PRKCB: variants seen among roughly 807,000 people sequenced by gnomAD.
PRKCB encodes protein kinase C beta, also known as protein kinase C beta type.
In PRKCB, 13 loss-of-function variants were observed where a neutral mutation model predicts 81.5. The ratio of observed to expected loss-of-function variants is 0.16; its 90% confidence interval spans 0.10 to 0.25. The LOEUF (loss-of-function observed/expected upper bound fraction) is 0.25, where lower values mean the gene tolerates loss of function less well. Ranked by LOEUF, PRKCB falls within the 10% of genes least tolerant of loss-of-function variation. The pLI is 1.00. For missense variants in PRKCB, 509 were observed against 875.7 expected, an observed-to-expected ratio of 0.58 and a Z score of 5.29; for synonymous variants, 335 against 321.4, an observed-to-expected ratio of 1.04 and a Z score of -0.45.
Position 24,159,338 on chromosome 16 carries a change from G to A in PRKCB, c.1239+4481G>A, listed in dbSNP as rs970962552. ...GGGTCATTGGCTCATTGAGCTCAGA[G>A]CCCAAGCTTTTGTTAGTACATCATG... On this transcript the variant is annotated intron_variant, in intron 10 of 16. Coordinates refer to ENST00000643927, the MANE Select transcript of PRKCB (RefSeq NM_002738.7). Among the ~76,000 whole-genome samples the A allele has an allele frequency of 2.0e-5, 3 of 152,178 alleles. No individual in the cohort carries two copies. In the East Asian group the frequency reaches 5.8e-4, roughly 29 times the overall value.
chr16:23,988,407 T>C (rs772527223), intron 2 of PRKCB, 101 bp from the exon 3 acceptor site: 46 of 886,362 alleles, frequency 5.2e-5, no homozygotes, highest in Middle Eastern at 3.1e-4. Context: ...CTTTACTTGT[T>C]GGTGAAGTTC....
At chr16:24,003,747 G>C (rs1450395260) in intron 3 of PRKCB, among the ~76,000 whole-genome samples, 1 of 152,108 alleles carries the variant, frequency 6.6e-6, no homozygotes, top group African/African-American at 2.4e-5. Context: ...CTCTATCACT[G>C]GGAGAACGAA....
At chr16:23,889,701 G>T (rs965530254) in intron 2 of PRKCB, among the ~76,000 whole-genome samples, 1 of 152,220 alleles carries the variant, frequency 6.6e-6, no homozygotes, top group African/African-American at 2.4e-5. Flanking sequence ...AGTTATGGCT[G>T]CTCTATCAAC....
intron 5 of PRKCB, among the ~76,000 whole-genome samples, chr16:24,076,796 G>A (rs1036853016): frequency 1.3e-5 from 2 of 152,220 alleles, no homozygotes; most frequent in African/African-American, 4.8e-5. Context: ...ATTTGCCTCT[G>A]TCTGGGCAGA....
At chr16:23,847,178 C>G (rs1182814055) in intron 2 of PRKCB, among the ~76,000 whole-genome samples, 1 of 152,110 alleles carries the variant, frequency 6.6e-6, no homozygotes, top group African/African-American at 2.4e-5. Flanking sequence ...TGCTACTTCC[C>G]AGAGACCAGA....
At chr16:24,207,961 G>A (rs957050347) in intron 16 of PRKCB, 1 of 152,576 alleles carries the variant, frequency 6.6e-6, no homozygotes, top group Non-Finnish European at 1.5e-5. Context: ...CAGGGGGTGG[G>A]GGACACAGGC....
At chr16:23,967,811 C>T (rs1344893984) in intron 2 of PRKCB, among the ~76,000 whole-genome samples, 2 of 152,188 alleles carry the variant, frequency 1.3e-5, no homozygotes, top group African/African-American at 4.8e-5. Context: ...CGCCACCATG[C>T]CCAGCTAATT....
chr16:24,010,414 G>A (rs1187586981), intron 3 of PRKCB, among the ~76,000 whole-genome samples: 1 of 152,178 alleles, frequency 6.6e-6, no homozygotes, highest in Non-Finnish European at 1.5e-5. Flanking sequence ...TGAACCTCCG[G>A]TTTACAACTT....
At position 24,217,743 on chromosome 16, in the gene PRKCB, AG is replaced by A. The variant is rs1447921020; in HGVS notation, c.*2930del. On this transcript the variant is annotated 3_prime_UTR_variant, in exon 17 of 17. Transcript: ENST00000643927. ...GGCCCACAGGCAGGGAAAGCGAAAT[AG>A]GGTTGATGAGACCAGGGGAGACCTA... 2.2e-5 allele frequency: 22 copies of A among 985,302 alleles called. No individual in the cohort carries two copies. The highest frequency in any genetic ancestry group is 2.7e-5 in the Non-Finnish European group (22 of 829,950). 61.0% of individuals were successfully genotyped at this position (985,302 alleles called of 1,614,324 possible).
intron 16 of PRKCB, among the ~76,000 whole-genome samples, chr16:24,202,133 G>T (rs1391144710): frequency 6.6e-6 from 1 of 152,044 alleles, no homozygotes; most frequent in Non-Finnish European, 1.5e-5. Context: ...TGTCCTTTCT[G>T]ACTCTATCCT....
intron 5 of PRKCB, among the ~76,000 whole-genome samples, chr16:24,057,589 G>A (rs997879910): frequency 7.9e-5 from 12 of 152,180 alleles, no homozygotes; most frequent in Non-Finnish European, 1.2e-4. Flanking sequence ...TAAGAGAGAA[G>A]AAGAGAGAGC....
chr16:23,868,124 T>C (rs2141096901), intron 2 of PRKCB, among the ~76,000 whole-genome samples: 1 of 152,264 alleles, frequency 6.6e-6, no homozygotes, highest in Admixed American at 6.5e-5. Context: ...AAAAAACCAA[T>C]GTAGCCATGG....
At chr16:24,168,790 C>T (rs1441962014) in intron 10 of PRKCB, among the ~76,000 whole-genome samples, 4 of 149,054 alleles carry the variant, frequency 2.7e-5, no homozygotes, top group Non-Finnish European at 5.9e-5. Context: ...AACTCCTAGC[C>T]TCAAGTGATT....
intron 9 of PRKCB, among the ~76,000 whole-genome samples, chr16:24,150,883 C>T (rs449072): frequency 0.19 from 28,370 of 152,146 alleles, 2,863 homozygotes; most frequent in South Asian, 0.3. Flanking sequence ...TATGCATGCC[C>T]GTTCTGTTTT....
At position 24,047,352 on chromosome 16, in the gene PRKCB, T is replaced by TAAATA. The variant is rs1555493042; in HGVS notation, c.529+11826_529+11830dup. ...GTGAGACTCCATCTCAAAAAATAAA[T>TAAATA]AAATAAAATAAAATAAAATAAAATA... On this transcript the variant is annotated intron_variant, in intron 5 of 16. Transcript: ENST00000643927. 4.9e-3 allele frequency among the ~76,000 whole-genome samples: 742 copies of TAAATA among 151,242 alleles called. 2 individuals are homozygous for TAAATA. Among genetic ancestry groups the TAAATA allele is most frequent in the African/African-American group, 0.017 (687 of 41,212 alleles).
rs534217322 is a variant in PRKCB at position 23,866,185 on chromosome 16, C to T, written c.205+28779C>T. 2.0e-5 allele frequency among the ~76,000 whole-genome samples: 3 copies of T among 152,212 alleles called. No individual in the cohort carries two copies. The South Asian group carries it at 6.2e-4, about 32-fold the overall frequency. On this transcript the variant is annotated intron_variant, in intron 2 of 16. Coordinates refer to ENST00000643927, the MANE Select transcript of PRKCB (RefSeq NM_002738.7). ...ACTAGACTGGCAAAAGCCAAGTGTGCCTTGGTTGACTGTTTCTTTCTGAGA... is the reference window on the plus strand; with the variant it reads ...ACTAGACTGGCAAAAGCCAAGTGTGTCTTGGTTGACTGTTTCTTTCTGAGA...
At chr16:24,155,015 G>T (rs537453687) in intron 10 of PRKCB, among the ~76,000 whole-genome samples, 158 bp downstream of exon 10, 2 of 152,342 alleles carry the variant, frequency 1.3e-5, no homozygotes, top group East Asian at 3.9e-4. Flanking sequence ...GAGTTCTGAG[G>T]TTGCTACTGA....
chr16:23,845,397 C>CTCATTT (rs1449043767), intron 2 of PRKCB, among the ~76,000 whole-genome samples: 1 of 151,940 alleles, frequency 6.6e-6, no homozygotes, highest in Non-Finnish European at 1.5e-5. Context: ...ACTTCTCATT[C>CTCATTT]TCATTTTCTG....
intron 5 of PRKCB, among the ~76,000 whole-genome samples, chr16:24,055,439 C>T (rs1006666581): frequency 6.6e-5 from 10 of 152,202 alleles, no homozygotes; most frequent in East Asian, 1.9e-4. Flanking sequence ...GCGGCAGCCA[C>T]GGATGGCTGG....
Sources: gnomAD v4.1 joint callset for allele counts (sites outside exome capture counted in the v4.1 genomes callset) on GRCh38, gnomAD v4.1.1 for gene constraint, MANE v1.5 for transcripts, NCBI Gene and HGNC (gene_info 2026-07-23, HGNC 2026-07-21) for gene names.